Variants in CNTN5 observed in about 807,000 individuals in gnomAD.
CNTN5 encodes contactin 5.
CNTN5 carries 77 observed loss-of-function variants against 129.1 expected under a neutral mutation model. The observed-to-expected ratio is 0.60, with a 90% CI of 0.50 to 0.72. CNTN5 has a LOEUF of 0.72. Among genes scored for constraint, CNTN5 ranks in the 30% least tolerant of loss-of-function variants. CNTN5 has a pLI of 0.00. For missense variants in CNTN5, 1,478 were observed against 1,328.8 expected, an observed-to-expected ratio of 1.11 and a Z score of -1.75; for synonymous variants, 509 against 465.6, an observed-to-expected ratio of 1.09 and a Z score of -1.20.
At chr11:99,615,145 G>A (rs566074703) in intron 3 of CNTN5, among the ~76,000 whole-genome samples, 1 of 150,560 alleles carries the variant, frequency 6.6e-6, no homozygotes, top group Admixed American at 6.6e-5. Flanking sequence ...GAGTGAATAA[G>A]AAAAAATTTA....
chr11:99,826,300 G>A, intron 4 of CNTN5, among the ~76,000 whole-genome samples: 1 of 151,964 alleles, frequency 6.6e-6, no homozygotes, highest in Admixed American at 6.6e-5. Flanking sequence ...TTCTGTTGGG[G>A]CTATTGAGAT....
chr11:100,304,523 T>C (rs375695773), intron 20 of CNTN5, among the ~76,000 whole-genome samples: 6 of 151,710 alleles, frequency 4.0e-5, no homozygotes, highest in South Asian at 2.1e-4. Flanking sequence ...ATAGTGAGCC[T>C]GTGGCAGGGT....
chr11:99,744,150 G>T (rs538104597), intron 3 of CNTN5, among the ~76,000 whole-genome samples: 1 of 152,176 alleles, frequency 6.6e-6, no homozygotes, highest in East Asian at 1.9e-4. Flanking sequence ...AGTGCTTCCA[G>T]ACCAGAGCAT....
chr11:100,209,575 C>T (rs1948982492), intron 15 of CNTN5, among the ~76,000 whole-genome samples: 1 of 152,138 alleles, frequency 6.6e-6, no homozygotes, highest in Non-Finnish European at 1.5e-5. Flanking sequence ...CTAATGAAAA[C>T]ATAAATGGGT....
At position 99,671,098 on chromosome 11, in the gene CNTN5, C is replaced by A. The variant is rs149401437; in HGVS notation, c.55+114829C>A. On this transcript the variant is annotated intron_variant, in intron 3 of 24. Transcript: ENST00000524871. The stretch of plus-strand genomic sequence containing the variant: ...TCTCGCTTTCTTGTGAGTTCTCTCG[C>A]TCGCTCGCTCGCTCTTGCTCTCTCT... 2.0e-5 allele frequency among the ~76,000 whole-genome samples: 3 copies of A among 150,790 alleles called. No individual in the cohort carries two copies. In the East Asian group the frequency reaches 5.8e-4, roughly 29 times the overall value.
intron 13 of CNTN5, among the ~76,000 whole-genome samples, chr11:100,154,149 T>G (rs570426814): frequency 6.6e-6 from 1 of 152,180 alleles, no homozygotes; most frequent in South Asian, 2.1e-4. Context: ...TGTTCCCCAC[T>G]TTGTGTCCAT....
chr11:99,181,579 C>CTCA (rs1245630153), intron 1 of CNTN5, among the ~76,000 whole-genome samples: 3 of 152,174 alleles, frequency 2.0e-5, no homozygotes, highest in African/African-American at 4.8e-5. Context: ...AGTTGATGAA[C>CTCA]TCATTCTCAG....
At chr11:99,783,169 A>G (rs1254256661) in intron 3 of CNTN5, among the ~76,000 whole-genome samples, 1 of 88,512 alleles carries the variant, frequency 1.1e-5, no homozygotes, top group African/African-American at 4.2e-5. Context: ...GGACATGAAC[A>G]GACACTTCTC....
intron 20 of CNTN5, among the ~76,000 whole-genome samples, chr11:100,303,799 T>C (rs1951285643): frequency 6.6e-6 from 1 of 151,686 alleles, no homozygotes; most frequent in Admixed American, 6.6e-5. Flanking sequence ...CTGGGATTTA[T>C]GTGAACTTGA....
chr11:100,008,348 T>G (rs962377884), intron 9 of CNTN5, among the ~76,000 whole-genome samples: 3 of 152,056 alleles, frequency 2.0e-5, no homozygotes. Flanking sequence ...TGCAATAAAA[T>G]AATGTGTGCC....
chr11:99,263,343 T>C (rs1025239413), intron 1 of CNTN5, among the ~76,000 whole-genome samples: 10 of 152,124 alleles, frequency 6.6e-5, no homozygotes, highest in African/African-American at 2.2e-4. Flanking sequence ...TGCATGTCAA[T>C]TGAGCTTTAT....
intron 6 of CNTN5, among the ~76,000 whole-genome samples, chr11:99,894,489 C>A (rs1305978541): frequency 8.1e-6 from 1 of 122,844 alleles, no homozygotes; most frequent in Admixed American, 8.6e-5. Context: ...AAAAAATTCC[C>A]AGTATATTAT....
chr11:99,093,066 G>A (rs1435882193), intron 1 of CNTN5, among the ~76,000 whole-genome samples: 1 of 152,002 alleles, frequency 6.6e-6, no homozygotes, highest in African/African-American at 2.4e-5. Flanking sequence ...TCTAGGACAT[G>A]TAGTACATAG....
intron 9 of CNTN5, among the ~76,000 whole-genome samples, chr11:100,028,864 T>C (rs1377043629): frequency 5.9e-5 from 9 of 152,230 alleles, no homozygotes; most frequent in Non-Finnish European, 1.3e-4. Context: ...TTTCTTTTTT[T>C]CCTGTGAGTT....
At chr11:99,503,316 A>G (rs1946494808) in intron 2 of CNTN5, among the ~76,000 whole-genome samples, 1 of 152,184 alleles carries the variant, frequency 6.6e-6, no homozygotes, top group South Asian at 2.1e-4. Context: ...CGGGTGATCC[A>G]TCTTTATTTA....
Position 99,502,403 on chromosome 11 carries a change from T to G in CNTN5, c.-70-53742T>G, listed in dbSNP as rs894255052. On this transcript the variant is annotated intron_variant, in intron 2 of 24. Transcript: ENST00000524871. Reference sequence around the variant, plus strand: ...CAAGGGAGGGACGAGATGGAGGTAATTGAATCACGGGGGTTGGGGGGGTGG... The same window carrying G: ...CAAGGGAGGGACGAGATGGAGGTAAGTGAATCACGGGGGTTGGGGGGGTGG... Among the ~76,000 whole-genome samples the G allele has an allele frequency of 4.6e-5, 7 of 152,116 alleles. No homozygotes were observed. The East Asian group carries it at 1.4e-3, about 29-fold the overall frequency.
chr11:99,851,927 T>C (rs1358561314), intron 6 of CNTN5, among the ~76,000 whole-genome samples: 2 of 152,200 alleles, frequency 1.3e-5, no homozygotes, highest in Admixed American at 6.5e-5. Flanking sequence ...ATTTTACTAG[T>C]AGTGTTTAAT....
At chr11:100,251,052 A>G (rs937061337) in intron 16 of CNTN5, among the ~76,000 whole-genome samples, 2 of 152,192 alleles carry the variant, frequency 1.3e-5, no homozygotes, top group African/African-American at 2.4e-5. Flanking sequence ...CACGTTAGCT[A>G]AATTTCAAGT....
intron 9 of CNTN5, among the ~76,000 whole-genome samples, chr11:100,028,976 A>G (rs1941566541): frequency 6.6e-6 from 1 of 152,174 alleles, no homozygotes; most frequent in Non-Finnish European, 1.5e-5. Context: ...TTTCTTTAGC[A>G]TCAGATTTGG....
Sources: allele counts gnomAD v4.1 joint callset (sites outside exome capture counted in the v4.1 genomes callset), GRCh38; gene constraint gnomAD v4.1.1; transcripts MANE v1.5; gene names NCBI Gene and HGNC (gene_info 2026-07-23, HGNC 2026-07-21).